CFTR: variants seen among roughly 807,000 people sequenced by gnomAD.
CFTR encodes the protein cystic fibrosis transmembrane conductance regulator.
A neutral mutation model predicts 171.6 loss-of-function variants in CFTR; 181 were observed. That is an observed-to-expected ratio of 1.05 (90% CI 0.93 to 1.19). The LOEUF (loss-of-function observed/expected upper bound fraction) is 1.19, where lower values mean the gene tolerates loss of function less well. CFTR is among the 50% of genes most tolerant of loss of function. The probability of loss-of-function intolerance (pLI) is 0.00; values close to 1 mark genes in which losing one functional copy is unlikely to be tolerated. For synonymous variants in CFTR, 583 were observed against 608.0 expected (o/e 0.96, Z 0.60); for missense variants, 1,968 against 1,734.7 (o/e 1.13, Z -2.39).
chr7:117,621,367 C>T (rs1470001465), intron 21 of CFTR, among the ~76,000 whole-genome samples: 1 of 152,158 alleles, frequency 6.6e-6, no homozygotes, highest in Non-Finnish European at 1.5e-5. Flanking sequence ...TAAATATTTT[C>T]AGCTTTGTGG....
chr7:117,660,745 A>G (rs907793267), intron 24 of CFTR, among the ~76,000 whole-genome samples: 4 of 151,978 alleles, frequency 2.6e-5, no homozygotes, highest in African/African-American at 9.7e-5. Context: ...TTTAAAGGAT[A>G]AAGGATTCTG....
At chr7:117,581,993 C>T (rs1464820360) in intron 11 of CFTR, among the ~76,000 whole-genome samples, 2 of 151,948 alleles carry the variant, frequency 1.3e-5, no homozygotes, top group South Asian at 2.1e-4. Flanking sequence ...TGGGCTCCAG[C>T]GATTCACCTG....
chr7:117,590,492 A>T, intron 13 of CFTR, 53 bp downstream of exon 13: 8 of 1,564,916 alleles, frequency 5.1e-6, no homozygotes, highest in Non-Finnish European at 7.0e-6. Flanking sequence ...TAAAAGAAAG[A>T]CAGACTGTCC....
chr7:117,536,274 T>G (rs1016354303), intron 6 of CFTR, among the ~76,000 whole-genome samples: 2 of 152,210 alleles, frequency 1.3e-5, no homozygotes, highest in Admixed American at 6.5e-5. Context: ...ACTGAGTCTT[T>G]GCTTTTTTCA....
At chr7:117,597,444 G>A (rs1792149327) in intron 15 of CFTR, among the ~76,000 whole-genome samples, 1 of 152,208 alleles carries the variant, frequency 6.6e-6, no homozygotes, top group Admixed American at 6.5e-5. Flanking sequence ...CACATTGGAA[G>A]AAGAAAGGAG....
intron 17 of CFTR, among the ~76,000 whole-genome samples, chr7:117,605,233 T>C (rs1313066907): frequency 6.6e-6 from 1 of 152,142 alleles, no homozygotes; most frequent in Non-Finnish European, 1.5e-5. Flanking sequence ...ACCAGGATGG[T>C]TTTTTCTTTC....
At chr7:117,567,748 C>A (rs748269695) in intron 11 of CFTR, among the ~76,000 whole-genome samples, 2 of 151,994 alleles carry the variant, frequency 1.3e-5, no homozygotes, top group Non-Finnish European at 2.9e-5. Context: ...AGGGACTGGG[C>A]CAAACTCTAG....
chr7:117,611,576 C>T lies in CFTR; in HGVS notation c.3140-5C>T. On this transcript the variant is annotated splice_polypyrimidine_tract_variant and splice_region_variant and intron_variant, in intron 19 of 26. Transcript: ENST00000003084. ...TGCAATGTTTTCTATGGAAATATTT[C>T]ACAGGCAGGAGTCCAATTTTCACTC... is the stretch of plus-strand genomic sequence containing the variant. 1 of 1,552,130 alleles carries T rather than the reference C, an allele frequency of 6.4e-7. No homozygotes were observed. The highest frequency in any genetic ancestry group is 8.9e-7 in the Non-Finnish European group (1 of 1,124,266).
At chr7:117,495,501 C>T (rs1480223452) in intron 1 of CFTR, among the ~76,000 whole-genome samples, 1 of 152,100 alleles carries the variant, frequency 6.6e-6, no homozygotes, top group Non-Finnish European at 1.5e-5. Context: ...CTTTCAATGC[C>T]AATGGTACAC....
At chr7:117,590,491 G>T in intron 13 of CFTR, 52 bp downstream of exon 13, 1 of 1,565,602 alleles carries the variant, frequency 6.4e-7, no homozygotes. Context: ...ATAAAAGAAA[G>T]ACAGACTGTC....
At chr7:117,502,055 GT>G (rs1318147875) in intron 1 of CFTR, among the ~76,000 whole-genome samples, 1 of 152,116 alleles carries the variant, frequency 6.6e-6, no homozygotes, top group Admixed American at 6.6e-5. Context: ...CCGTAAGTCA[GT>G]TTTTGTTTTT....
chr7:117,537,585 G>A (rs1242081796), intron 7 of CFTR, among the ~76,000 whole-genome samples: 6 of 152,172 alleles, frequency 3.9e-5, no homozygotes, highest in African/African-American at 1.4e-4. Flanking sequence ...GAGGAATTCA[G>A]GCTGCTGAGT....
At chr7:117,658,397 C>T (rs1398814608) in intron 24 of CFTR, among the ~76,000 whole-genome samples, 1 of 152,144 alleles carries the variant, frequency 6.6e-6, no homozygotes, top group Non-Finnish European at 1.5e-5. Context: ...CTGGACTTCA[C>T]TTGGTCATCC....
intron 24 of CFTR, among the ~76,000 whole-genome samples, chr7:117,656,622 C>T (rs964253831): frequency 1.3e-5 from 2 of 152,050 alleles, no homozygotes; most frequent in Non-Finnish European, 2.9e-5. Context: ...ACAGAATACT[C>T]TAGCTATAAA....
chr7:117,551,779 T>C (rs1002025019), intron 10 of CFTR, among the ~76,000 whole-genome samples: 6 of 152,216 alleles, frequency 3.9e-5, no homozygotes, highest in Admixed American at 3.9e-4. Flanking sequence ...AGCTGGCTTA[T>C]GGCATCTCAC....
intron 2 of CFTR, among the ~76,000 whole-genome samples, chr7:117,506,168 T>C (rs1798411929): frequency 6.6e-6 from 1 of 152,164 alleles, no homozygotes; most frequent in South Asian, 2.1e-4. Flanking sequence ...AGATAAAATA[T>C]ATAAACATAA....
intron 17 of CFTR, among the ~76,000 whole-genome samples, chr7:117,606,056 T>C (rs1168017767): frequency 1.3e-5 from 2 of 152,208 alleles, no homozygotes; most frequent in African/African-American, 2.4e-5. Context: ...AAGTGGACAC[T>C]TGTATATAAC....
At chr7:117,504,177 G>A (rs1798375486) in intron 1 of CFTR, 76 bp from the exon 2 acceptor site, 1 of 849,210 alleles carries the variant, frequency 1.2e-6, no homozygotes, top group African/African-American at 1.7e-5. Flanking sequence ...TGCCAGAAAA[G>A]TTGAATAGTA....
intron 18 of CFTR, among the ~76,000 whole-genome samples, chr7:117,607,472 G>T (rs1445069844): frequency 6.6e-6 from 1 of 152,126 alleles, no homozygotes; most frequent in Non-Finnish European, 1.5e-5. Flanking sequence ...AAGGAGTGTT[G>T]TAAGCTGTGG....
Sources: allele counts gnomAD v4.1 joint callset (sites outside exome capture counted in the v4.1 genomes callset), GRCh38; gene constraint gnomAD v4.1.1; transcripts MANE v1.5; gene names NCBI Gene and HGNC (gene_info 2026-07-23, HGNC 2026-07-21).